CCSER1: variants seen among roughly 807,000 people sequenced by gnomAD.
CCSER1 encodes the protein serine-rich coiled-coil domain-containing protein 1.
Under a neutral mutation model 82.0 loss-of-function variants are expected in CCSER1, and 41 were observed. That is an observed-to-expected ratio of 0.50 (90% CI 0.39 to 0.65). The LOEUF is 0.65. CCSER1 is among the 30% of genes least tolerant of loss of function. CCSER1 has a pLI of 0.00. For missense variants in CCSER1, 1,119 were observed against 1,064.2 expected, an observed-to-expected ratio of 1.05 and a Z score of -0.72; for synonymous variants, 414 against 383.9, an observed-to-expected ratio of 1.08 and a Z score of -0.92.
chr4:90,941,181 G>T (rs919684306), intron 9 of CCSER1, among the ~76,000 whole-genome samples: 3 of 152,046 alleles, frequency 2.0e-5, no homozygotes, highest in African/African-American at 7.2e-5. Flanking sequence ...ATGCATGGAA[G>T]GAAAGCCATG....
intron 10 of CCSER1, among the ~76,000 whole-genome samples, chr4:91,133,520 G>T (rs1448759563): frequency 1.3e-5 from 2 of 152,128 alleles, no homozygotes; most frequent in Non-Finnish European, 2.9e-5. Context: ...GACGCCTCTG[G>T]TATTGAACTG....
chr4:91,420,691 A>G (rs1753639624), intron 10 of CCSER1, among the ~76,000 whole-genome samples: 1 of 152,168 alleles, frequency 6.6e-6, no homozygotes, highest in Admixed American at 6.6e-5. Flanking sequence ...TTCTGGTTAT[A>G]TGTCCAAAGG....
chr4:90,566,042 T>TTTC (rs1779334712), intron 5 of CCSER1, among the ~76,000 whole-genome samples: 1 of 151,426 alleles, frequency 6.6e-6, no homozygotes, highest in African/African-American at 2.4e-5. Flanking sequence ...ATTTTTTTTT[T>TTTC]TTTTTTTAGT....
intron 4 of CCSER1, chr4:90,403,922 A>G (rs1223107077): frequency 1.3e-5 from 2 of 152,214 alleles, no homozygotes; most frequent in Non-Finnish European, 2.9e-5. Context: ...TTTTGCTCCA[A>G]GAACTACCGC....
intron 10 of CCSER1, among the ~76,000 whole-genome samples, chr4:91,470,205 G>T (rs192662190): frequency 2.0e-5 from 3 of 152,276 alleles, no homozygotes; most frequent in Admixed American, 2.0e-4. Flanking sequence ...TTGAAGTGAA[G>T]TTATAGACAC....
chr4:90,828,821 C>T (rs910141185), intron 8 of CCSER1, among the ~76,000 whole-genome samples: 2 of 151,964 alleles, frequency 1.3e-5, no homozygotes, highest in African/African-American at 2.4e-5. Context: ...AAATTTATAT[C>T]GTATTTTTTG....
chr4:90,786,355 G>A (rs566283162), intron 7 of CCSER1, among the ~76,000 whole-genome samples: 1 of 152,080 alleles, frequency 6.6e-6, no homozygotes, highest in East Asian at 1.9e-4. Context: ...TATTTTCTTT[G>A]GAACACAGTA....
chr4:91,568,840 A>G (rs892281713), intron 10 of CCSER1, among the ~76,000 whole-genome samples: 2 of 152,042 alleles, frequency 1.3e-5, no homozygotes, highest in South Asian at 2.1e-4. Context: ...TTCTATTTCT[A>G]TCATCTCAGC....
intron 5 of CCSER1, among the ~76,000 whole-genome samples, chr4:90,594,972 T>C (rs1035414447): frequency 5.9e-5 from 9 of 152,180 alleles, no homozygotes; most frequent in African/African-American, 1.9e-4. Flanking sequence ...ATGTTCTTTT[T>C]ATTTTAATAT....
intron 9 of CCSER1, among the ~76,000 whole-genome samples, chr4:90,954,935 G>C (rs1733280084): frequency 6.6e-6 from 1 of 152,118 alleles, no homozygotes; most frequent in African/African-American, 2.4e-5. Context: ...TTAGGGCTCT[G>C]ATCTTTCTGC....
intron 10 of CCSER1, among the ~76,000 whole-genome samples, chr4:91,367,504 C>G (rs776575194): frequency 2.6e-4 from 38 of 146,438 alleles, no homozygotes; most frequent in Admixed American, 5.5e-4. Context: ...TGAGATAGTT[C>G]TTTATCTTTA....
At chr4:90,492,798 G>T (rs963836773) in intron 5 of CCSER1, among the ~76,000 whole-genome samples, 5 of 152,128 alleles carry the variant, frequency 3.3e-5, no homozygotes, top group Non-Finnish European at 7.3e-5. Flanking sequence ...TTCAGGAGCA[G>T]GTTGTTCAGT....
chr4:90,919,552 G>A lies in CCSER1; in HGVS notation c.2095-3818G>A, dbSNP rs547016446. Among the ~76,000 whole-genome samples the A allele has an allele frequency of 5.8e-4, 88 of 151,752 alleles. 1 individual carries two copies. The South Asian group carries it at 9.3e-3, about 16-fold the overall frequency. ...TATTATTAGTAGTAATAATTAAAGT[G>A]GTAATGCTTACAGAAGGAAAGGGAA... On this transcript the variant is annotated intron_variant, in intron 8 of 10. Transcript: ENST00000509176.
rs58193231 is a variant in CCSER1 at position 91,184,183 on chromosome 4, C to T, written c.2217+98189C>T. Among the ~76,000 whole-genome samples the T allele has an allele frequency of 3.3e-3, 509 of 152,238 alleles. 2 individuals carry two copies. The highest frequency in any genetic ancestry group is 0.012 in the African/African-American group (487 of 41,534). ...ATCATCCATATAGTGAATAATGTAA[C>T]ACTGTGAAAATTTTTTAGGAGTAGG... On this transcript the variant is annotated intron_variant, in intron 10 of 10. Transcript: ENST00000509176.
chr4:90,380,208 G>A (rs2153531021), intron 3 of CCSER1, among the ~76,000 whole-genome samples: 1 of 152,104 alleles, frequency 6.6e-6, no homozygotes, highest in East Asian at 1.9e-4. Context: ...TAAGCATTGT[G>A]AACGTCTCAG....
At chr4:90,329,141 G>A (rs1738799348) in intron 3 of CCSER1, among the ~76,000 whole-genome samples, 1 of 151,764 alleles carries the variant, frequency 6.6e-6, no homozygotes, top group Admixed American at 6.6e-5. Context: ...AACACAATAT[G>A]AACAAAGTAG....
intron 10 of CCSER1, among the ~76,000 whole-genome samples, chr4:91,407,305 A>G (rs1373120967): frequency 6.6e-6 from 1 of 152,220 alleles, no homozygotes; most frequent in Non-Finnish European, 1.5e-5. Flanking sequence ...GGCTACATGC[A>G]AAAATAATAG....
At chr4:90,319,639 A>C (rs1316063365) in intron 3 of CCSER1, among the ~76,000 whole-genome samples, 1 of 82,840 alleles carries the variant, frequency 1.2e-5, no homozygotes, top group Non-Finnish European at 2.1e-5. Context: ...GCAACAGAGC[A>C]AGACTCTCTC....
intron 3 of CCSER1, among the ~76,000 whole-genome samples, chr4:90,350,313 T>G (rs1158704417): frequency 2.6e-5 from 4 of 152,000 alleles, no homozygotes; most frequent in Admixed American, 2.6e-4. Context: ...ATGGGAAAAT[T>G]TTTGGAATCC....
Sources: gnomAD v4.1 joint callset for allele counts (sites outside exome capture counted in the v4.1 genomes callset) on GRCh38, gnomAD v4.1.1 for gene constraint, MANE v1.5 for transcripts, NCBI Gene and HGNC (gene_info 2026-07-23, HGNC 2026-07-21) for gene names.